The following IQGAP3 variants were observed in gnomAD, a reference collection of about 807,000 sequenced individuals.
IQGAP3 encodes the protein IQ motif containing GTPase activating protein 3.
IQGAP3 carries 165 observed loss-of-function variants against 208.2 expected under a neutral mutation model. The observed-to-expected ratio is 0.79, with a 90% confidence interval of 0.70 to 0.90. The LOEUF (loss-of-function observed/expected upper bound fraction) is 0.90. Among genes scored for constraint, IQGAP3 ranks in the 40% least tolerant of loss-of-function variants. The pLI, the probability that IQGAP3 is intolerant of heterozygous loss-of-function variation, is 0.00. For synonymous variants in IQGAP3, 703 were observed against 803.6 expected, an observed-to-expected ratio of 0.87 and a Z score of 2.12; for missense variants, 1,811 against 2,043.1, an observed-to-expected ratio of 0.89 and a Z score of 2.19.
At position 156,548,147 on chromosome 1, in the gene IQGAP3, A is replaced by T; in HGVS notation, c.2230T>A (p.Phe744Ile). ...TCAGCAAACTTCTGCCGAACTAGGA[A>T]GCCACGGAGGCGGGCCTGGAGCTGG... is the stretch of plus-strand genomic sequence containing the variant. Reference protein sequence around the residue: ...VIQLQARLRGFLVRQKFAEHS... With the variant: ...VIQLQARLRGILVRQKFAEHS... Residue 744 changes from phenylalanine (F) to isoleucine (I), a missense_variant, in exon 19 of 38, where the codon TTC becomes ATC. Transcript: ENST00000361170. 1 of 1,613,980 alleles carries T rather than the reference A, an allele frequency of 6.2e-7. No individual in the cohort carries two copies. Among genetic ancestry groups the T allele is most frequent in the Non-Finnish European group, 8.5e-7 (1 of 1,179,936 alleles).
intron 26 of IQGAP3, 37 bp downstream of exon 26, chr1:156,538,772 G>T: frequency 6.4e-7 from 1 of 1,563,792 alleles, no homozygotes; most frequent in Non-Finnish European, 8.8e-7. Flanking sequence ...AGACACAGCT[G>T]ATCAAAGAGA....
intron 33 of IQGAP3, 115 bp from the exon 34 acceptor site, chr1:156,530,432 T>C (rs1387872224): frequency 4.7e-6 from 4 of 849,604 alleles, no homozygotes; most frequent in Admixed American, 2.4e-5. Context: ...TTTCTGCATA[T>C]CATTAAGAAA....
In IQGAP3 at chr1:156,561,961, T is replaced by C. The variant is rs2102435235; in HGVS notation, c.918A>G (p.Arg306=). Residue 306 remains arginine, a synonymous_variant, in exon 10 of 38, where the codon AGA becomes AGG. Coordinates refer to ENST00000361170, the MANE Select transcript of IQGAP3 (RefSeq NM_178229.5). ...CCTTGAGCAAGGCTTCAGGGCTCTG[T>C]CTTTCCAGGGCATCATCAACAACTT... is the stretch of plus-strand genomic sequence containing the variant. ...ALEVVDDALE[R]QSPEALLKAL... 6.2e-7 allele frequency: 1 copy of C among 1,613,736 alleles called. No homozygotes were observed. Among genetic ancestry groups the C allele is most frequent in the Middle Eastern group, 1.7e-4 (1 of 6,060 alleles).
intron 2 of IQGAP3, 136 bp downstream of exon 2, chr1:156,569,240 T>C: frequency 1.7e-6 from 1 of 574,692 alleles, no homozygotes; most frequent in Non-Finnish European, 3.2e-6. Context: ...AAAAAAAAAA[T>C]TAAAAAGCTA....
Position 156,533,336 on chromosome 1 carries a change from G to C in IQGAP3, c.3977-230C>G, listed in dbSNP as rs112013280. Among the ~76,000 whole-genome samples the C allele has an allele frequency of 7.7e-3, 1,169 of 152,214 alleles. 18 individuals carry two copies. Among genetic ancestry groups the C allele is most frequent in the African/African-American group, 0.026 (1,084 of 41,518 alleles). The stretch of plus-strand genomic sequence containing the variant: ...AGCATACCCTTGTGTTACTGGGGCT[G>C]TGCCACCCCCACACCCTCAGCCCTG... On this transcript the variant is annotated intron_variant, in intron 31 of 37. Coordinates refer to ENST00000361170, the MANE Select transcript of IQGAP3 (RefSeq NM_178229.5).
chr1:156,532,386 CAAAA>C (rs11302550), intron 32 of IQGAP3, among the ~76,000 whole-genome samples: 6 of 81,558 alleles, frequency 7.4e-5, no homozygotes, highest in African/African-American at 2.3e-4. Flanking sequence ...GACTCCATCT[CAAAA>C]AAAAAAAAAA....
intron 30 of IQGAP3, 22 bp downstream of exon 30, chr1:156,533,987 C>A (rs1289828478): frequency 1.9e-6 from 3 of 1,612,930 alleles, no homozygotes; most frequent in Non-Finnish European, 2.5e-6. Context: ...CAGCCAACAC[C>A]CTCCAGATCT....
chr1:156,549,257 T>C (rs1675423574), intron 16 of IQGAP3, among the ~76,000 whole-genome samples: 1 of 152,048 alleles, frequency 6.6e-6, no homozygotes, highest in Non-Finnish European at 1.5e-5. Flanking sequence ...GGTCAGGAGT[T>C]TGAGACCAGC....
chr1:156,553,389 T>A (rs1308463932), intron 13 of IQGAP3, among the ~76,000 whole-genome samples: 1 of 152,170 alleles, frequency 6.6e-6, no homozygotes, highest in Non-Finnish European at 1.5e-5. Context: ...ATTGCTTTCT[T>A]AAGGCCTCTG....
At chr1:156,530,006 C>T (rs1674304968) in intron 34 of IQGAP3, 99 bp downstream of exon 34, 7 of 939,732 alleles carry the variant, frequency 7.4e-6, no homozygotes, top group Non-Finnish European at 9.8e-6. Flanking sequence ...GGTGAGGACT[C>T]ATCAGGAGGG....
At position 156,551,713 on chromosome 1, in the gene IQGAP3, T is replaced by C. The variant is rs1417323038; in HGVS notation, c.1726A>G (p.Lys576Glu). ...HLLLVAAKRQ[K>E]AQVTGDPGAV... ...ACCAGCCCTAACTTCACCTGGGCCT[T>C]CTGCCTTTTGGCTGCCACAAGGAGG... is the stretch of plus-strand genomic sequence containing the variant. Residue 576 changes from lysine (K) to glutamate (E), a missense_variant, in exon 15 of 38, where the codon AAG becomes GAG. Transcript: ENST00000361170. The C allele has an allele frequency of 6.2e-7, 1 of 1,610,592 alleles. No individual in the cohort carries two copies. The highest frequency in any genetic ancestry group is 2.2e-5 in the East Asian group (1 of 44,860).
At chr1:156,538,465 C>T (rs557103010) in intron 26 of IQGAP3, among the ~76,000 whole-genome samples, 37 of 152,212 alleles carry the variant, frequency 2.4e-4, no homozygotes, top group Non-Finnish European at 5.3e-4. Flanking sequence ...GCTGGGATTA[C>T]AGGCGTGAGC....
intron 32 of IQGAP3, among the ~76,000 whole-genome samples, 191 bp from the exon 33 acceptor site, chr1:156,531,438 T>G (rs1674398090): frequency 6.6e-6 from 1 of 151,784 alleles, no homozygotes; most frequent in Admixed American, 6.6e-5. Flanking sequence ...TGCCTTTGAG[T>G]CCTTCAGCTG....
At chr1:156,531,382 G>A in intron 32 of IQGAP3, 135 bp from the exon 33 acceptor site, 2 of 679,208 alleles carry the variant, frequency 2.9e-6, no homozygotes, top group South Asian at 3.1e-5. Context: ...GAGAGAGCGA[G>A]GGATAGGGGA....
intron 19 of IQGAP3, among the ~76,000 whole-genome samples, chr1:156,547,424 C>G (rs868469016): frequency 2.0e-5 from 3 of 146,848 alleles, no homozygotes; most frequent in African/African-American, 7.9e-5. Context: ...CACACACACA[C>G]AGACACACAC....
At chr1:156,551,544 C>T (rs1009145098) in intron 15 of IQGAP3, among the ~76,000 whole-genome samples, 161 bp downstream of exon 15, 1 of 152,178 alleles carries the variant, frequency 6.6e-6, no homozygotes, top group Non-Finnish European at 1.5e-5. Flanking sequence ...ACTGCCCTGG[C>T]AACAGGGCCA....
chr1:156,564,739 C>T, intron 4 of IQGAP3, 48 bp from the exon 5 acceptor site: 1 of 1,329,412 alleles, frequency 7.5e-7, no homozygotes, highest in Non-Finnish European at 1.1e-6. Flanking sequence ...CTTTAAGCAC[C>T]ACCAAATGCG....
rs758894610 is a variant in IQGAP3, at chr1:156,563,659, T to C, written c.513A>G (p.Glu171=). 5.0e-6 allele frequency: 8 copies of C among 1,611,974 alleles called. No homozygotes were observed. Among genetic ancestry groups the C allele is most frequent in the Non-Finnish European group, 5.9e-6 (7 of 1,179,146 alleles). ...LYGKVKFTAE[E]LSNMASELAK... Reference sequence around the variant, plus strand: ...CCAGTTCGGACGCCATGTTGCTGAGTTCCTCAGCTGCAATGATGCCACAGG... The same window carrying C: ...CCAGTTCGGACGCCATGTTGCTGAGCTCCTCAGCTGCAATGATGCCACAGG... The change falls in exon 7 of 38, where the codon GAA becomes GAG. Residue 171 remains glutamate (E), a synonymous_variant. Coordinates refer to ENST00000361170, the MANE Select transcript of IQGAP3 (RefSeq NM_178229.5).
chr1:156,539,250 G>A (rs1323705089), intron 25 of IQGAP3, 124 bp downstream of exon 25: 27 of 994,808 alleles, frequency 2.7e-5, no homozygotes, highest in Non-Finnish European at 3.3e-5. Flanking sequence ...AGGAGGTAGA[G>A]AAAAGAGGTC....
Sources: allele counts gnomAD v4.1 joint callset (sites outside exome capture counted in the v4.1 genomes callset), GRCh38; gene constraint gnomAD v4.1.1; transcripts MANE v1.5; gene names NCBI Gene and HGNC (gene_info 2026-07-23, HGNC 2026-07-21).